RBM6: variants seen among roughly 807,000 people sequenced by gnomAD.
The protein encoded by RBM6 is RNA-binding protein 6.
A neutral mutation model predicts 140.4 loss-of-function variants in RBM6; 23 were observed. The observed-to-expected ratio is 0.16, with a 90% CI of 0.12 to 0.23. The LOEUF (loss-of-function observed/expected upper bound fraction) is 0.23, where lower values mean the gene tolerates loss of function less well. Among genes scored for constraint, RBM6 ranks in the 10% least tolerant of loss-of-function variants. The pLI, the probability that RBM6 is intolerant of heterozygous loss-of-function variation, is 1.00. For synonymous variants in RBM6, 439 were observed against 475.6 expected (o/e 0.92, Z 1.00); for missense variants, 1,139 against 1,386.7 (o/e 0.82, Z 2.84).
intron 16 of RBM6, among the ~76,000 whole-genome samples, chr3:50,065,901 TTCCC>T (rs1467959380): frequency 7.2e-5 from 11 of 152,256 alleles, no homozygotes; most frequent in African/African-American, 2.4e-4. Context: ...TCATCTTTTC[TTCCC>T]TCCATGAGTT....
chr3:49,948,356 C>T (rs1282819127), intron 1 of RBM6, among the ~76,000 whole-genome samples: 2 of 152,026 alleles, frequency 1.3e-5, no homozygotes, highest in East Asian at 1.9e-4. Context: ...AGTGAAACCC[C>T]GATTTTACTA....
chr3:49,943,393 C>A (rs973123548), intron 1 of RBM6, among the ~76,000 whole-genome samples: 1 of 152,018 alleles, frequency 6.6e-6, no homozygotes, highest in Non-Finnish European at 1.5e-5. Context: ...GCCTCGAACT[C>A]GAGCTCAAGC....
intron 6 of RBM6, among the ~76,000 whole-genome samples, chr3:50,013,106 G>A (rs1035728011): frequency 1.7e-4 from 26 of 152,206 alleles, no homozygotes; most frequent in African/African-American, 6.0e-4. Context: ...TATTCTCATT[G>A]AAAAAGGGAC....
chr3:49,989,544 C>A (rs931894780), intron 5 of RBM6, among the ~76,000 whole-genome samples: 1 of 152,048 alleles, frequency 6.6e-6, no homozygotes, highest in African/African-American at 2.4e-5. Flanking sequence ...GCACTCTAGC[C>A]TGGGGCCACA....
intron 2 of RBM6, among the ~76,000 whole-genome samples, chr3:49,965,609 G>A (rs554137433): frequency 1.3e-5 from 2 of 152,002 alleles, no homozygotes; most frequent in Non-Finnish European, 2.9e-5. Flanking sequence ...GGCGGAGCTT[G>A]CAGTGAGCCA....
At chr3:49,955,780 T>G (rs1424455552) in intron 1 of RBM6, among the ~76,000 whole-genome samples, 2 of 151,502 alleles carry the variant, frequency 1.3e-5, no homozygotes, top group African/African-American at 4.8e-5. Flanking sequence ...GAGGCGGTGG[T>G]TGCAGTGAGC....
intron 6 of RBM6, among the ~76,000 whole-genome samples, chr3:50,038,365 T>C (rs551590132): frequency 4.2e-4 from 64 of 152,336 alleles, no homozygotes; most frequent in Non-Finnish European, 8.4e-4. Flanking sequence ...AGCTTTATAT[T>C]TTCCACATTT....
At chr3:50,040,589 T>C (rs1217477253) in intron 6 of RBM6, among the ~76,000 whole-genome samples, 2 of 150,116 alleles carry the variant, frequency 1.3e-5, no homozygotes, top group Non-Finnish European at 3.0e-5. Context: ...TATATACATA[T>C]ATATGTGTAT....
intron 11 of RBM6, among the ~76,000 whole-genome samples, chr3:50,060,603 AAT>A (rs1486869887): frequency 1.6e-4 from 20 of 125,470 alleles, no homozygotes; most frequent in African/African-American, 5.9e-4. Context: ...AAAAAAAAAA[AAT>A]TAGCTGGGCG....
intron 6 of RBM6, among the ~76,000 whole-genome samples, chr3:50,014,960 A>G (rs963069457): frequency 2.0e-5 from 3 of 150,472 alleles, no homozygotes; most frequent in Non-Finnish European, 4.4e-5. Context: ...GAGGCACAAG[A>G]ATTGCTTGAA....
intron 5 of RBM6, among the ~76,000 whole-genome samples, chr3:49,994,646 T>C (rs1272601561): frequency 1.4e-5 from 2 of 146,430 alleles, no homozygotes; most frequent in East Asian, 3.9e-4. Flanking sequence ...ATAATACTTT[T>C]TGTTTGGAGA....
At chr3:50,061,041 G>A in intron 12 of RBM6, 43 bp downstream of exon 12, 1 of 1,598,412 alleles carries the variant, frequency 6.3e-7, no homozygotes, top group Non-Finnish European at 8.5e-7. Flanking sequence ...AAATCCTCAG[G>A]TGACTATAAG....
chr3:49,983,430 A>G (rs2085401229), intron 5 of RBM6, among the ~76,000 whole-genome samples: 1 of 151,944 alleles, frequency 6.6e-6, no homozygotes, highest in Non-Finnish European at 1.5e-5. Context: ...AGCATGGGCA[A>G]TATAGTGAGA....
intron 17 of RBM6, among the ~76,000 whole-genome samples, chr3:50,067,910 C>T (rs1163995656): frequency 1.3e-5 from 2 of 152,178 alleles, no homozygotes; most frequent in African/African-American, 4.8e-5. Context: ...TCTGTGGAGG[C>T]TTTGCAAAGA....
chr3:50,064,662 C>G (rs1575860143), intron 15 of RBM6, among the ~76,000 whole-genome samples: 1 of 152,150 alleles, frequency 6.6e-6, no homozygotes, highest in East Asian at 1.9e-4. Context: ...CAGGCCAAAA[C>G]CACCACACCC....
intron 1 of RBM6, among the ~76,000 whole-genome samples, chr3:49,943,358 A>G (rs1482342351): frequency 6.6e-6 from 1 of 152,000 alleles, no homozygotes; most frequent in East Asian, 1.9e-4. Context: ...GCTGGAGTTC[A>G]GTGGCACAGT....
intron 5 of RBM6, among the ~76,000 whole-genome samples, chr3:49,994,727 CCTT>C (rs1356395389): frequency 6.7e-6 from 1 of 148,754 alleles, no homozygotes; most frequent in Non-Finnish European, 1.5e-5. Context: ...AAAATAAACT[CCTT>C]CTGACAAAGG....
intron 6 of RBM6, among the ~76,000 whole-genome samples, chr3:50,024,404 C>G (rs1301774450): frequency 6.6e-6 from 1 of 151,924 alleles, no homozygotes; most frequent in Admixed American, 6.6e-5. Flanking sequence ...TGGAGAAGCC[C>G]CTCCTGCCCC....
In RBM6 at chr3:49,971,267, G is replaced by GAA. The variant is rs796468371; in HGVS notation, c.1324-777_1324-776dup. Among the ~76,000 whole-genome samples the GAA allele has an allele frequency of 1.2e-4, 11 of 91,646 alleles. No individual in the cohort carries two copies. In the East Asian group the frequency reaches 2.5e-3, roughly 21 times the overall value. The allele number at this position is 91,646 out of a possible 152,430, so 60.1% of individuals were successfully genotyped here. ...GGGCAGCAAGAGCGAAACTCCATCT[G>GAA]AAAAAAAAAAAAAAAACGAAAACCA... is the stretch of plus-strand genomic sequence containing the variant. On this transcript the variant is annotated intron_variant, in intron 3 of 20. Coordinates refer to ENST00000266022, the MANE Select transcript of RBM6 (RefSeq NM_005777.3).
Sources: allele counts gnomAD v4.1 joint callset (sites outside exome capture counted in the v4.1 genomes callset), GRCh38; gene constraint gnomAD v4.1.1; transcripts MANE v1.5; gene names NCBI Gene and HGNC (gene_info 2026-07-23, HGNC 2026-07-21).